Variants in NRXN1 observed in about 807,000 individuals in gnomAD.
The protein encoded by NRXN1 is neurexin-1.
A neutral mutation model predicts 150.9 loss-of-function variants in NRXN1; 39 were observed. That is an observed-to-expected ratio of 0.26 (90% CI 0.20 to 0.34). The LOEUF is 0.34. Ranked by LOEUF, NRXN1 falls within the 10% of genes least tolerant of loss-of-function variation. The pLI is 1.00. For missense variants in NRXN1, 1,815 were observed against 1,949.9 expected (o/e 0.93, Z 1.30); for synonymous variants, 924 against 757.0 (o/e 1.22, Z -3.62).
At chr2:50,774,911 A>T (rs949060077) in intron 5 of NRXN1, among the ~76,000 whole-genome samples, 38 of 152,178 alleles carry the variant, frequency 2.5e-4, no homozygotes, top group African/African-American at 8.9e-4. Flanking sequence ...ATGATCTAAA[A>T]TAAACCAATT....
chr2:50,864,651 G>A (rs1035761869), intron 5 of NRXN1, among the ~76,000 whole-genome samples: 2 of 151,996 alleles, frequency 1.3e-5, no homozygotes, highest in African/African-American at 4.8e-5. Context: ...CATTTCTCCT[G>A]CGAAGCTGAA....
In NRXN1 at chr2:50,620,017, T is replaced by G. The variant is rs1231209463; in HGVS notation, c.1320+5A>C. On this transcript the variant is annotated splice_donor_5th_base_variant and intron_variant, in intron 8 of 22. Transcript: ENST00000401669. ...AGGAATGATTCTGATGGCAACGATA[T>G]TTACCTCTTTGAGACAGCCCATAAA... 1 of 1,581,112 alleles carries G rather than the reference T, an allele frequency of 6.3e-7. No homozygotes were observed. Among genetic ancestry groups the G allele is most frequent in the Admixed American group, 1.8e-5 (1 of 56,470 alleles).
At chr2:50,648,725 A>G (rs551504186) in intron 5 of NRXN1, among the ~76,000 whole-genome samples, 1 of 152,052 alleles carries the variant, frequency 6.6e-6, no homozygotes, top group East Asian at 1.9e-4. Context: ...AAAACCCTAA[A>G]TGGATTTGGG....
At position 50,466,958 on chromosome 2, in the gene NRXN1, C is replaced by T. The variant is rs80303292; in HGVS notation, c.3245-1397G>A. The stretch of plus-strand genomic sequence containing the variant: ...TTCTGTTGCAATTAAGGCTTCAAAC[C>T]GTAATGCCAGCCATTCACTGACAAC... On this transcript the variant is annotated intron_variant, in intron 16 of 22. Coordinates refer to ENST00000401669, the MANE Select transcript of NRXN1 (RefSeq NM_001330078.2). Among the ~76,000 whole-genome samples the T allele has an allele frequency of 8.1e-3, 1,229 of 151,796 alleles. 16 individuals carry two copies. The highest frequency in any genetic ancestry group is 0.027 in the African/African-American group (1,140 of 41,478).
chr2:50,997,741 T>G lies in NRXN1; in HGVS notation c.772+29761A>C, dbSNP rs958960164. Reference sequence around the variant, plus strand: ...CCCAGCTGGTCTGGAACTCTGGGCCTTAAGCAATCCTCCCGCCTCCACTTC... The same window carrying G: ...CCCAGCTGGTCTGGAACTCTGGGCCGTAAGCAATCCTCCCGCCTCCACTTC... On this transcript the variant is annotated intron_variant, in intron 2 of 22. Coordinates refer to ENST00000401669, the MANE Select transcript of NRXN1 (RefSeq NM_001330078.2). 2.8e-5 allele frequency among the ~76,000 whole-genome samples: 4 copies of G among 141,026 alleles called. 1 individual carries two copies. Among genetic ancestry groups the G allele is most frequent in the Non-Finnish European group, 6.0e-5 (4 of 66,850 alleles). 92.5% of individuals were successfully genotyped at this position (141,026 alleles called of 152,430 possible).
intron 5 of NRXN1, among the ~76,000 whole-genome samples, chr2:50,797,043 C>A (rs1300239287): frequency 6.6e-6 from 1 of 152,124 alleles, no homozygotes; most frequent in Admixed American, 6.6e-5. Flanking sequence ...GAGCACGAAT[C>A]CTATTTTATA....
At chr2:50,778,588 G>A (rs964284599) in intron 5 of NRXN1, among the ~76,000 whole-genome samples, 5 of 152,188 alleles carry the variant, frequency 3.3e-5, no homozygotes, top group Non-Finnish European at 7.3e-5. Flanking sequence ...AAGGTTTAAT[G>A]AAAGAGACAG....
intron 5 of NRXN1, among the ~76,000 whole-genome samples, chr2:50,646,700 C>T (rs72885655): frequency 0.18 from 25,552 of 143,132 alleles, 2,579 homozygotes; most frequent in African/African-American, 0.27. Context: ...TCTGTACTTT[C>T]ATGTTGTCTT....
intron 8 of NRXN1, among the ~76,000 whole-genome samples, chr2:50,596,293 GATCGTTGTCCTTTCTCA>G (rs1675185656): frequency 1.2e-5 from 1 of 84,568 alleles, no homozygotes. Flanking sequence ...CCTTTTCTCA[GATCGTTGTCCTTTCTCA>G]GATCTTCTCT....
intron 18 of NRXN1, among the ~76,000 whole-genome samples, chr2:50,234,942 A>G (rs751767805): frequency 1.5e-4 from 23 of 152,080 alleles, no homozygotes; most frequent in Non-Finnish European, 2.8e-4. Context: ...CCCTAAGACC[A>G]CATTTGACCA....
chr2:50,591,511 G>A (rs565984612), intron 8 of NRXN1, among the ~76,000 whole-genome samples: 2 of 152,204 alleles, frequency 1.3e-5, no homozygotes, highest in African/African-American at 4.8e-5. Flanking sequence ...GCCAAACAAT[G>A]ATAGTGATGT....
intron 17 of NRXN1, among the ~76,000 whole-genome samples, chr2:50,368,204 T>C (rs1414133878): frequency 6.6e-6 from 1 of 151,964 alleles, no homozygotes. Flanking sequence ...AGAGGACCCA[T>C]ACAGGACAGA....
At chr2:50,320,282 T>TCTTATACA (rs200051532) in intron 17 of NRXN1, among the ~76,000 whole-genome samples, 1 of 47,536 alleles carries the variant, frequency 2.1e-5, no homozygotes, top group South Asian at 8.4e-4. Flanking sequence ...TATACCTCAA[T>TCTTATACA]CATATATATA....
At chr2:50,140,669 CTT>C (rs34745463) in intron 18 of NRXN1, among the ~76,000 whole-genome samples, 9 of 145,894 alleles carry the variant, frequency 6.2e-5, no homozygotes, top group Admixed American at 2.0e-4. Context: ...TTTTCTCTCT[CTT>C]TTTTTTTTTT....
chr2:50,059,535 T>G (rs528560615), intron 19 of NRXN1, among the ~76,000 whole-genome samples: 1 of 152,094 alleles, frequency 6.6e-6, no homozygotes, highest in African/African-American at 2.4e-5. Context: ...CTGAAGAAAT[T>G]TGCATAGGTA....
At chr2:50,707,358 G>A (rs1419481647) in intron 5 of NRXN1, among the ~76,000 whole-genome samples, 2 of 152,156 alleles carry the variant, frequency 1.3e-5, no homozygotes, top group African/African-American at 4.8e-5. Context: ...TGACTTCCAA[G>A]CTAGTTAAAA....
chr2:50,075,192 T>C (rs1044542268), intron 19 of NRXN1, among the ~76,000 whole-genome samples: 5 of 152,214 alleles, frequency 3.3e-5, no homozygotes, highest in Admixed American at 2.0e-4. Flanking sequence ...TGAACCCTAT[T>C]ATACACCTTT....
At chr2:50,707,863 CA>C (rs1694653498) in intron 5 of NRXN1, among the ~76,000 whole-genome samples, 1 of 152,144 alleles carries the variant, frequency 6.6e-6, no homozygotes, top group Non-Finnish European at 1.5e-5. Context: ...GATTTTCCTA[CA>C]GTATATTAAC....
intron 2 of NRXN1, among the ~76,000 whole-genome samples, chr2:51,025,129 A>G (rs1325605650): frequency 1.3e-5 from 2 of 152,158 alleles, no homozygotes; most frequent in Admixed American, 6.5e-5. Flanking sequence ...ATTCTGTGAT[A>G]CTCAAAAGAA....
Sources: gnomAD v4.1 joint callset for allele counts (sites outside exome capture counted in the v4.1 genomes callset) on GRCh38, gnomAD v4.1.1 for gene constraint, MANE v1.5 for transcripts, NCBI Gene and HGNC (gene_info 2026-07-23, HGNC 2026-07-21) for gene names.